CDH8: variants seen among roughly 807,000 people sequenced by gnomAD.
The protein encoded by CDH8 is cadherin 8.
CDH8 carries 17 observed loss-of-function variants against 68.1 expected under a neutral mutation model. The ratio of observed to expected loss-of-function variants is 0.25; its 90% CI spans 0.17 to 0.37. CDH8 has a LOEUF of 0.37. CDH8 is among the 10% of genes least tolerant of loss of function. The pLI is 1.00. For missense variants in CDH8, 763 were observed against 999.3 expected (o/e 0.76, Z 3.19); for synonymous variants, 372 against 365.1 (o/e 1.02, Z -0.21).
intron 8 of CDH8, among the ~76,000 whole-genome samples, chr16:61,787,376 C>T (rs1385103680): frequency 6.2e-5 from 9 of 145,968 alleles, no homozygotes; most frequent in Admixed American, 3.4e-4. Flanking sequence ...AAATGCAAAT[C>T]AAAACCACTA....
chr16:61,676,821 C>T (rs188494878), intron 10 of CDH8, among the ~76,000 whole-genome samples: 314 of 152,114 alleles, frequency 2.1e-3, no homozygotes, highest in Non-Finnish European at 3.3e-3. Context: ...TAGAACATTT[C>T]CATCATCCCC....
At chr16:61,912,747 T>C (rs1287525310) in intron 2 of CDH8, among the ~76,000 whole-genome samples, 1 of 152,130 alleles carries the variant, frequency 6.6e-6, no homozygotes, top group Non-Finnish European at 1.5e-5. Context: ...TCAAATGTTA[T>C]TAATAAGGCC....
At chr16:61,783,032 C>A (rs1410758200) in intron 8 of CDH8, among the ~76,000 whole-genome samples, 4 of 149,154 alleles carry the variant, frequency 2.7e-5, no homozygotes, top group Non-Finnish European at 4.5e-5. Flanking sequence ...CAGAGCGCCT[C>A]TCCTCCTCCA....
Position 61,650,161 on chromosome 16 carries a change from TA to T in CDH8, c.*3446del. ...TTTTAGTCATCGTATTATAAATGTT[TA>T]GAAACTTATAACTATACTCATAAAA... On this transcript the variant is annotated 3_prime_UTR_variant, in exon 12 of 12. Transcript: ENST00000577390. 6.6e-6 allele frequency: 1 copy of T among 152,274 alleles called. No homozygotes were observed. The highest frequency in any genetic ancestry group is 3.4e-3 in the Middle Eastern group (1 of 294). The allele number at this position is 152,274 out of a possible 1,614,324, so 9.4% of individuals were successfully genotyped here.
At chr16:61,693,895 A>G (rs1415197888) in intron 10 of CDH8, 3 of 152,178 alleles carry the variant, frequency 2.0e-5, no homozygotes, top group African/African-American at 4.8e-5. Flanking sequence ...TAATTCTTCC[A>G]GTTGTAATAC....
At chr16:61,919,834 G>A (rs957852994) in intron 2 of CDH8, among the ~76,000 whole-genome samples, 49 of 152,222 alleles carry the variant, frequency 3.2e-4, no homozygotes, top group African/African-American at 9.9e-4. Context: ...GAGGCCTCAC[G>A]CTACCTGACT....
At chr16:61,950,699 T>C (rs1484747718) in intron 2 of CDH8, among the ~76,000 whole-genome samples, 2 of 152,160 alleles carry the variant, frequency 1.3e-5, no homozygotes, top group South Asian at 2.1e-4. Flanking sequence ...AACCGCATAT[T>C]CACTATACAG....
At chr16:61,859,887 G>T (rs139356364) in intron 3 of CDH8, among the ~76,000 whole-genome samples, 2 of 152,092 alleles carry the variant, frequency 1.3e-5, no homozygotes, top group Non-Finnish European at 2.9e-5. Flanking sequence ...TTGCTCTGTC[G>T]CCCAGGCTGG....
intron 3 of CDH8, among the ~76,000 whole-genome samples, chr16:61,866,215 C>A (rs953008679): frequency 2.0e-5 from 3 of 151,248 alleles, no homozygotes; most frequent in African/African-American, 7.3e-5. Context: ...CAGAGTGAGA[C>A]CCTGTCTCAA....
intron 2 of CDH8, among the ~76,000 whole-genome samples, chr16:61,943,138 T>C (rs940988022): frequency 4.6e-5 from 7 of 152,176 alleles, no homozygotes; most frequent in Admixed American, 1.3e-4. Flanking sequence ...CCCAAACTAA[T>C]CATCCAGTCA....
At chr16:61,756,717 T>C (rs1960330082) in intron 8 of CDH8, among the ~76,000 whole-genome samples, 1 of 152,208 alleles carries the variant, frequency 6.6e-6, no homozygotes. Flanking sequence ...TCAAAGTACA[T>C]TCTAAATCTC....
At chr16:61,783,996 A>G (rs1961162199) in intron 8 of CDH8, among the ~76,000 whole-genome samples, 1 of 152,204 alleles carries the variant, frequency 6.6e-6, no homozygotes, top group African/African-American at 2.4e-5. Flanking sequence ...CAAAATGTAA[A>G]GACCATCGAG....
At chr16:61,969,296 A>G (rs1184015505) in intron 2 of CDH8, among the ~76,000 whole-genome samples, 1 of 152,232 alleles carries the variant, frequency 6.6e-6, no homozygotes, top group Non-Finnish European at 1.5e-5. Context: ...ACAGAAAACC[A>G]CTTCAGAAAG....
chr16:61,910,406 G>A, intron 2 of CDH8, among the ~76,000 whole-genome samples: 1 of 150,656 alleles, frequency 6.6e-6, no homozygotes, highest in East Asian at 1.9e-4. Context: ...GCTGATAATA[G>A]TCTGATTAAA....
At chr16:61,905,524 C>T (rs1409040531) in intron 2 of CDH8, among the ~76,000 whole-genome samples, 1 of 151,924 alleles carries the variant, frequency 6.6e-6, no homozygotes, top group African/African-American at 2.4e-5. Flanking sequence ...GTTATATTCA[C>T]AGCAAACTAA....
intron 2 of CDH8, among the ~76,000 whole-genome samples, chr16:61,959,028 T>C (rs1337254190): frequency 6.6e-6 from 1 of 152,048 alleles, no homozygotes; most frequent in African/African-American, 2.4e-5. Context: ...CTGCCTGAAA[T>C]CCTTTCTCTC....
chr16:61,800,576 A>G (rs921279716), intron 7 of CDH8, among the ~76,000 whole-genome samples: 9 of 152,068 alleles, frequency 5.9e-5, no homozygotes, highest in African/African-American at 1.7e-4. Context: ...TTGTATTCTC[A>G]TTTACTATGA....
intron 8 of CDH8, among the ~76,000 whole-genome samples, chr16:61,738,839 C>T (rs1959782205): frequency 6.6e-6 from 1 of 151,930 alleles, no homozygotes; most frequent in Admixed American, 6.6e-5. Context: ...ACATATATGG[C>T]TTTTGTTTCT....
chr16:61,847,463 T>A (rs143644767), intron 4 of CDH8, among the ~76,000 whole-genome samples: 3,864 of 150,636 alleles, frequency 0.026, 63 homozygotes, highest in Middle Eastern at 0.06. Flanking sequence ...TACTCATGCA[T>A]CAGAGACTAA....
Sources: gnomAD v4.1 joint callset for allele counts (sites outside exome capture counted in the v4.1 genomes callset) on GRCh38, gnomAD v4.1.1 for gene constraint, MANE v1.5 for transcripts, NCBI Gene and HGNC (gene_info 2026-07-23, HGNC 2026-07-21) for gene names.